TP53BP2: variants seen among roughly 807,000 people sequenced by gnomAD.
The protein encoded by TP53BP2 is tumor protein p53 binding protein 2, also known as apoptosis-stimulating of p53 protein 2.
In TP53BP2, 62 loss-of-function variants were observed where a neutral mutation model predicts 126.2. That is an observed-to-expected ratio of 0.49 (90% CI 0.40 to 0.61). The LOEUF is 0.61. Ranked by LOEUF, TP53BP2 falls within the 20% of genes least tolerant of loss-of-function variation. The pLI is 0.00. For synonymous variants in TP53BP2, 485 were observed against 502.9 expected (o/e 0.96, Z 0.48); for missense variants, 1,215 against 1,402.8 (o/e 0.87, Z 2.14).
At chr1:223,811,594 T>C (rs1410326808) in intron 3 of TP53BP2, among the ~76,000 whole-genome samples, 1 of 152,228 alleles carries the variant, frequency 6.6e-6, no homozygotes, top group African/African-American at 2.4e-5. Context: ...AGAGAGCACT[T>C]AACTAGTTTC....
At chr1:223,800,922 A>G (rs2102851246) in intron 9 of TP53BP2, 112 bp from the exon 10 acceptor site, 1 of 659,296 alleles carries the variant, frequency 1.5e-6, no homozygotes, top group East Asian at 3.1e-5. Context: ...CCAGACTCAC[A>G]ACACCCCAAT....
chr1:223,819,589 G>A (rs1174466929), intron 2 of TP53BP2, among the ~76,000 whole-genome samples: 2 of 152,006 alleles, frequency 1.3e-5, no homozygotes, highest in Non-Finnish European at 2.9e-5. Context: ...GGGAGGCTGA[G>A]GCAGGAGAAT....
At chr1:223,803,930 C>G (rs1423221141) in intron 6 of TP53BP2, among the ~76,000 whole-genome samples, 1 of 152,156 alleles carries the variant, frequency 6.6e-6, no homozygotes, top group African/African-American at 2.4e-5. Context: ...GAATTCAATT[C>G]AGAGGAACCT....
At chr1:223,823,574 G>A (rs978182805) in intron 1 of TP53BP2, among the ~76,000 whole-genome samples, 3 of 152,122 alleles carry the variant, frequency 2.0e-5, no homozygotes, top group Admixed American at 2.0e-4. Flanking sequence ...ATTATCTCAG[G>A]CTTTTCACAT....
At chr1:223,801,202 T>G (rs1662514446) in intron 9 of TP53BP2, among the ~76,000 whole-genome samples, 1 of 152,192 alleles carries the variant, frequency 6.6e-6, no homozygotes, top group Admixed American at 6.5e-5. Context: ...AATCCAGGAC[T>G]TCAACTGCAC....
chr1:223,838,885 A>G (rs1188537993), intron 1 of TP53BP2, among the ~76,000 whole-genome samples: 1 of 152,126 alleles, frequency 6.6e-6, no homozygotes, highest in Non-Finnish European at 1.5e-5. Context: ...AGAAATAGCT[A>G]TTGAGATGTT....
Position 223,796,491 on chromosome 1 carries a change from T to G in TP53BP2, c.2048A>C (p.Glu683Ala). Residue 683 changes from glutamate (E) to alanine (A), a missense_variant, in exon 13 of 18, where the codon GAA becomes GCA. By Grantham distance (107) the Glu-to-Ala change is moderately radical. Transcript: ENST00000343537. This position sits in a 1 kb window ranked among gnomAD's most constrained non-coding sequence, Gnocchi z 4.2. Reference sequence around the variant, plus strand: ...CTGAACTGAAGAAACAGGCTCTGTTTCAGGTTCTGGACTGCCAGGCTTGCC... The same window carrying G: ...CTGAACTGAAGAAACAGGCTCTGTTGCAGGTTCTGGACTGCCAGGCTTGCC... Reference protein sequence around the residue: ...SQGKPGSPEPETEPVSSVQEN... With the variant: ...SQGKPGSPEPATEPVSSVQEN... 6.2e-7 allele frequency: 1 copy of G among 1,614,178 alleles called. No homozygotes were observed. The highest frequency in any genetic ancestry group is 1.1e-5 in the South Asian group (1 of 91,082).
chr1:223,795,565 C>G lies in TP53BP2; in HGVS notation c.2724+250G>C, dbSNP rs182575582. Reference sequence around the variant, plus strand: ...TATGTCACATCAGCTAGAGAAGAAACAGCAAATGCAGTGTTTATAGGGATA... The same window carrying G: ...TATGTCACATCAGCTAGAGAAGAAAGAGCAAATGCAGTGTTTATAGGGATA... On this transcript the variant is annotated intron_variant, in intron 13 of 17. Coordinates refer to ENST00000343537, the MANE Select transcript of TP53BP2 (RefSeq NM_001031685.3). Among the ~76,000 whole-genome samples, 7 of 152,292 alleles carry G rather than the reference C, an allele frequency of 4.6e-5. No individual in the cohort carries two copies. The East Asian group carries it at 1.4e-3, about 29-fold the overall frequency.
intron 1 of TP53BP2, among the ~76,000 whole-genome samples, chr1:223,830,643 T>C (rs1326464724): frequency 6.6e-6 from 1 of 151,602 alleles, no homozygotes; most frequent in Non-Finnish European, 1.5e-5. Flanking sequence ...TACAAAAACA[T>C]GGAAAAGTCT....
chr1:223,794,776 A>G (rs1662262114), intron 13 of TP53BP2, among the ~76,000 whole-genome samples: 1 of 152,326 alleles, frequency 6.6e-6, no homozygotes, highest in Admixed American at 6.5e-5. Flanking sequence ...CTCTATTTTA[A>G]AACTTTTTTT....
intron 5 of TP53BP2, 75 bp downstream of exon 5, chr1:223,806,771 C>T (rs908269849): frequency 3.2e-5 from 38 of 1,187,902 alleles, no homozygotes; most frequent in Non-Finnish European, 4.2e-5. Context: ...TTGCAGTGAG[C>T]CAAGATCGTG....
intron 10 of TP53BP2, among the ~76,000 whole-genome samples, chr1:223,800,293 A>G (rs1662484902): frequency 6.6e-6 from 1 of 152,184 alleles, no homozygotes; most frequent in African/African-American, 2.4e-5. Flanking sequence ...ACACACTAGA[A>G]AATGATTTAT....
Position 223,800,005 on chromosome 1 carries a change from A to G in TP53BP2, c.1379T>C (p.Val460Ala). The change falls in exon 11 of 18, where the codon GTG (valine) becomes GCG (alanine). Residue 460 changes from valine (V) to alanine (A), a missense_variant. By Grantham distance (64) the Val-to-Ala change is moderately conservative. Around this residue, in one of 4 missense-constraint regions of TP53BP2, gnomAD observed 814 missense variants for 853.0 expected, o/e 0.95. Transcript: ENST00000343537. Reference sequence around the variant, plus strand: ...TGCATCAAACATTGAGAACGGACGCACTTTCTTCTCTTTCTCCCTCAGCGG... The same window carrying G: ...TGCATCAAACATTGAGAACGGACGCGCTTTCTTCTCTTTCTCCCTCAGCGG... ...EVPLREKEKK[V>A]RPFSMFDAVD... is the part of the protein sequence containing the mutation. 6 of 1,612,410 alleles carry G rather than the reference A, an allele frequency of 3.7e-6. No individual in the cohort carries two copies. Among genetic ancestry groups the G allele is most frequent in the Non-Finnish European group, 5.1e-6 (6 of 1,179,424 alleles).
intron 1 of TP53BP2, among the ~76,000 whole-genome samples, chr1:223,828,092 C>T (rs1245336321): frequency 1.3e-5 from 2 of 152,072 alleles, no homozygotes; most frequent in South Asian, 2.1e-4. Flanking sequence ...CTTCAGAAAA[C>T]AATTCTGGCC....
chr1:223,790,302 A>C (rs904698714), intron 15 of TP53BP2, among the ~76,000 whole-genome samples: 2 of 151,828 alleles, frequency 1.3e-5, no homozygotes, highest in East Asian at 3.9e-4. Flanking sequence ...CACACCTGTA[A>C]TCCTGGCACT....
intron 4 of TP53BP2, among the ~76,000 whole-genome samples, chr1:223,808,295 GGTGGATCACCTGAGGTCA>G (rs376721061): frequency 0.038 from 5,789 of 152,170 alleles, 350 homozygotes; most frequent in African/African-American, 0.13. Flanking sequence ...GGCCGAGGTG[GGTGGATCACCTGAGGTCA>G]GTGGATCACC....
At chr1:223,783,073 G>GGA (rs1407070542) in intron 17 of TP53BP2, among the ~76,000 whole-genome samples, 1 of 152,160 alleles carries the variant, frequency 6.6e-6, no homozygotes, top group Non-Finnish European at 1.5e-5. Context: ...CCTAGGCAGT[G>GGA]GATCACTCAC....
At chr1:223,795,311 C>G (rs1328215273) in intron 13 of TP53BP2, among the ~76,000 whole-genome samples, 2 of 152,210 alleles carry the variant, frequency 1.3e-5, no homozygotes, top group Admixed American at 1.3e-4. Flanking sequence ...CCAGTTACCC[C>G]TCCCTGCCCT....
chr1:223,810,616 T>G, intron 3 of TP53BP2, 103 bp from the exon 4 acceptor site: 2 of 802,628 alleles, frequency 2.5e-6, no homozygotes, highest in Non-Finnish European at 3.8e-6. Context: ...ATATTTTAAG[T>G]TGAATGTATT....
Sources: gnomAD v4.1 joint callset for allele counts (sites outside exome capture counted in the v4.1 genomes callset) on GRCh38, gnomAD v4.1.1 for gene constraint, gnomAD v4.1.1 regional missense constraint, Gnocchi (gnomAD v3.1) non-coding constraint, MANE v1.5 for transcripts, NCBI Gene and HGNC (gene_info 2026-07-23, HGNC 2026-07-21) for gene names.